RASGRF1: variants seen among roughly 807,000 people sequenced by gnomAD.
The protein encoded by RASGRF1 is ras-specific guanine nucleotide-releasing factor 1.
A neutral mutation model predicts 138.7 loss-of-function variants in RASGRF1; 40 were observed. The observed-to-expected ratio is 0.29, with a 90% CI of 0.22 to 0.38. The LOEUF is 0.38. Among genes scored for constraint, RASGRF1 ranks in the 10% least tolerant of loss-of-function variants. RASGRF1 has a pLI of 1.00. For synonymous variants in RASGRF1, 614 were observed against 663.2 expected (o/e 0.93, Z 1.14); for missense variants, 1,108 against 1,650.4 (o/e 0.67, Z 5.69).
chr15:79,005,772 T>C (rs1460942757), intron 14 of RASGRF1: 1 of 417,850 alleles, frequency 2.4e-6, no homozygotes, highest in African/African-American at 2.2e-5. Context: ...TCTCCCTTTA[T>C]TTTTCTTTCT....
intron 1 of RASGRF1, among the ~76,000 whole-genome samples, chr15:79,085,347 AAGG>A (rs1357364634): frequency 2.6e-5 from 4 of 152,080 alleles, no homozygotes; most frequent in Non-Finnish European, 5.9e-5. Flanking sequence ...CAGGATGAGG[AAGG>A]AGGAGAGTGG....
Position 78,971,900 on chromosome 15 carries a change from T to C in RASGRF1, c.3647A>G (p.Gln1216Arg). The change falls in exon 26 of 27, where the codon CAA (glutamine) becomes CGA (arginine). Residue 1216 changes from glutamine (Q) to arginine (R), a missense_variant. By Grantham distance (43) the Gln-to-Arg change is conservative. Around this residue, in one of 3 missense-constraint regions of RASGRF1, gnomAD observed 686 missense variants for 976.7 expected, o/e 0.70. Transcript: ENST00000558480. ...GTGCTCTATTTTGTAGGCAGTTTGT[T>C]GAAACTGGCGAATCTCTCGGATAAT... ...SHIIREIRQF[Q>R]QTAYKIEHQA... 6.3e-7 allele frequency: 1 copy of C among 1,591,416 alleles called. No homozygotes were observed. Among genetic ancestry groups the C allele is most frequent in the Non-Finnish European group, 8.6e-7 (1 of 1,159,244 alleles).
chr15:79,058,035 C>T (rs2057533668), intron 3 of RASGRF1, among the ~76,000 whole-genome samples: 3 of 152,236 alleles, frequency 2.0e-5, no homozygotes, highest in South Asian at 2.1e-4. Context: ...TCAATCCTCA[C>T]GACCTGGTCA....
At chr15:78,978,774 C>T (rs2055943329) in intron 24 of RASGRF1, 6 of 1,119,132 alleles carry the variant, frequency 5.4e-6, no homozygotes, top group Non-Finnish European at 6.7e-6. Flanking sequence ...AGCATTTGCC[C>T]CAGGTTTCCC....
chr15:79,010,995 A>C (rs1373450839), intron 13 of RASGRF1, among the ~76,000 whole-genome samples: 3 of 152,134 alleles, frequency 2.0e-5, no homozygotes, highest in African/African-American at 7.2e-5. Flanking sequence ...ACTCAGTCTG[A>C]GAGCAGGGAA....
rs376313516 is a variant in RASGRF1 at position 79,051,449 on chromosome 15, A to G, written c.532-1861T>C. Among the ~76,000 whole-genome samples the G allele has an allele frequency of 3.4e-5, 5 of 148,746 alleles. No homozygotes were observed. The East Asian group carries it at 9.6e-4, about 29-fold the overall frequency. ...CTTTGATCTGGACTCTAAAGGGCTA[A>G]GGAACACGCAAGCGTACACACACAC... On this transcript the variant is annotated intron_variant, in intron 3 of 26. Transcript: ENST00000558480.
rs2056597668 is a variant in RASGRF1, at chr15:79,003,706, G to C, written c.2449+96C>G. ...CAAGCCTCTCCCTTCCTTCCCCATG[G>C]GAGCAGGAAGAGCAGCCCTGAGGCC... On this transcript the variant is annotated intron_variant, in intron 15 of 26. Coordinates refer to ENST00000558480, the MANE Select transcript of RASGRF1 (RefSeq NM_001145648.3). The C allele has an allele frequency of 2.0e-6, 3 of 1,489,580 alleles. No homozygotes were observed. The South Asian group carries it at 4.0e-5, about 20-fold the overall frequency. The allele number at this position is 1,489,580 out of a possible 1,614,324, so 92.3% of individuals were successfully genotyped here.
At chr15:78,996,862 G>A (rs1240574152) in intron 19 of RASGRF1, among the ~76,000 whole-genome samples, 1 of 152,234 alleles carries the variant, frequency 6.6e-6, no homozygotes, top group African/African-American at 2.4e-5. Context: ...GGCCTCCACG[G>A]CCTGGCTGGG....
intron 2 of RASGRF1, among the ~76,000 whole-genome samples, chr15:79,064,162 T>C (rs2057644872): frequency 6.6e-6 from 1 of 152,186 alleles, no homozygotes; most frequent in African/African-American, 2.4e-5. Context: ...TACTTGGTTC[T>C]GCTAATATAA....
At position 79,009,141 on chromosome 15, in the gene RASGRF1, T is replaced by G. The variant is rs140547051; in HGVS notation, c.1827-2707A>C. ...CCCCACCTGCATTTAAGCAGTGGGC[T>G]GAAACACTGTGCTGATATCTGATAG... On this transcript the variant is annotated intron_variant, in intron 13 of 26. Transcript: ENST00000558480. Among the ~76,000 whole-genome samples, 7 of 152,284 alleles carry G rather than the reference T, an allele frequency of 4.6e-5. No homozygotes were observed. The East Asian group carries it at 1.2e-3, about 25-fold the overall frequency.
At chr15:78,980,164 G>C (rs1172510942) in intron 24 of RASGRF1, 2 of 152,780 alleles carry the variant, frequency 1.3e-5, no homozygotes, top group Admixed American at 6.5e-5. Flanking sequence ...TTGTAAAACT[G>C]TATTTTTTTA....
chr15:79,061,433 A>ATATATATATATATATATATATATAT (rs2057605845), intron 2 of RASGRF1, among the ~76,000 whole-genome samples: 1 of 35,574 alleles, frequency 2.8e-5, no homozygotes, highest in Non-Finnish European at 5.3e-5. Context: ...TATATATATC[A>ATATATATATATATATATATATATAT]TTCATTTTTA....
intron 1 of RASGRF1, among the ~76,000 whole-genome samples, chr15:79,077,797 A>G (rs1181708538): frequency 6.6e-6 from 1 of 151,410 alleles, no homozygotes; most frequent in Non-Finnish European, 1.5e-5. Context: ...ACCCACCTGG[A>G]CCATCAAACA....
chr15:79,057,986 T>C (rs958609837), intron 3 of RASGRF1, among the ~76,000 whole-genome samples: 2 of 152,242 alleles, frequency 1.3e-5, no homozygotes, highest in Non-Finnish European at 2.9e-5. Flanking sequence ...ATACAGTGGC[T>C]GACACAGTAA....
At chr15:79,036,229 G>A (rs1405492641) in intron 5 of RASGRF1, among the ~76,000 whole-genome samples, 1 of 152,200 alleles carries the variant, frequency 6.6e-6, no homozygotes, top group Non-Finnish European at 1.5e-5. Context: ...AGACGTGGGG[G>A]TTTTCCCCAG....
At chr15:79,062,988 C>T (rs1337999538) in intron 2 of RASGRF1, among the ~76,000 whole-genome samples, 1 of 151,994 alleles carries the variant, frequency 6.6e-6, no homozygotes, top group Admixed American at 6.6e-5. Context: ...TCAATGCTAC[C>T]AATCTAACCC....
At chr15:79,004,646 C>T in intron 14 of RASGRF1, 1 of 987,454 alleles carries the variant, frequency 1.0e-6, no homozygotes, top group Non-Finnish European at 1.2e-6. Flanking sequence ...AGGGTCCTTT[C>T]CACCTGCTTT....
rs372157761 is a variant in RASGRF1 at position 79,058,529 on chromosome 15, T to C, written c.384-48A>G. The stretch of plus-strand genomic sequence containing the variant: ...GGTAAGATGCTGACTCCTTGTCCTC[T>C]GGCGAACCAAGCAGGGCACTGACCG... On this transcript the variant is annotated intron_variant, in intron 2 of 26. Transcript: ENST00000558480. The C allele has an allele frequency of 2.5e-6, 4 of 1,602,104 alleles. No homozygotes were observed. In the African/African-American group the frequency reaches 4.0e-5, roughly 16 times the overall value.
intron 1 of RASGRF1, among the ~76,000 whole-genome samples, chr15:79,076,581 C>T (rs771547599): frequency 3.9e-5 from 6 of 152,112 alleles, no homozygotes; most frequent in Non-Finnish European, 7.3e-5. Flanking sequence ...ATGTGCTGAG[C>T]TCTAAGTGCA....
Sources: gnomAD v4.1 joint callset for allele counts (sites outside exome capture counted in the v4.1 genomes callset) on GRCh38, gnomAD v4.1.1 for gene constraint, gnomAD v4.1.1 regional missense constraint, MANE v1.5 for transcripts, NCBI Gene and HGNC (gene_info 2026-07-23, HGNC 2026-07-21) for gene names.